Variants in DGKI observed in about 807,000 individuals in gnomAD.
DGKI encodes the protein DAG kinase iota.
A neutral mutation model predicts 147.5 loss-of-function variants in DGKI; 55 were observed. The observed-to-expected ratio is 0.37, with a 90% CI of 0.30 to 0.47. The LOEUF (loss-of-function observed/expected upper bound fraction) is 0.47, where lower values mean the gene tolerates loss of function less well. Ranked by LOEUF, DGKI falls within the 20% of genes least tolerant of loss-of-function variation. The probability of loss-of-function intolerance (pLI) is 1.00; values close to 1 mark genes in which losing one functional copy is unlikely to be tolerated. For missense variants in DGKI, 1,007 were observed against 1,323.8 expected (o/e 0.76, Z 3.71); for synonymous variants, 469 against 477.1 (o/e 0.98, Z 0.22).
intron 28 of DGKI, among the ~76,000 whole-genome samples, chr7:137,441,685 G>A (rs1211827080): frequency 7.9e-5 from 12 of 152,188 alleles, no homozygotes; most frequent in Admixed American, 7.2e-4. Context: ...TAGAGCCAAA[G>A]TGACTAGTTA....
intron 1 of DGKI, among the ~76,000 whole-genome samples, chr7:137,716,261 G>T (rs1379176243): frequency 1.3e-5 from 2 of 152,156 alleles, no homozygotes; most frequent in Non-Finnish European, 2.9e-5. Flanking sequence ...GACATCTTCA[G>T]ACAATCTGAA....
chr7:137,596,836 T>C (rs1415728387), intron 12 of DGKI, among the ~76,000 whole-genome samples: 1 of 152,218 alleles, frequency 6.6e-6, no homozygotes, highest in African/African-American at 2.4e-5. Context: ...AGAGAGATAG[T>C]ATTCGAAGAT....
At chr7:137,757,525 G>C (rs1795726675) in intron 1 of DGKI, among the ~76,000 whole-genome samples, 1 of 152,100 alleles carries the variant, frequency 6.6e-6, no homozygotes, top group African/African-American at 2.4e-5. Flanking sequence ...CATACGGTAA[G>C]GAGTCCCAAC....
intron 3 of DGKI, among the ~76,000 whole-genome samples, chr7:137,662,998 C>T (rs1160937701): frequency 6.6e-6 from 1 of 152,202 alleles, no homozygotes; most frequent in Non-Finnish European, 1.5e-5. Context: ...CTCAGATATA[C>T]ACCAATACTC....
intron 3 of DGKI, among the ~76,000 whole-genome samples, chr7:137,667,548 C>A (rs1297137418): frequency 6.6e-6 from 1 of 152,096 alleles, no homozygotes; most frequent in Non-Finnish European, 1.5e-5. Flanking sequence ...TGAATCCTGA[C>A]ATGTTTCCAT....
chr7:137,648,438 C>T (rs1231144697), intron 5 of DGKI, among the ~76,000 whole-genome samples: 1 of 152,236 alleles, frequency 6.6e-6, no homozygotes, highest in Non-Finnish European at 1.5e-5. Flanking sequence ...TGCACTGCAA[C>T]ACACAGTTAT....
At chr7:137,844,570 T>C (rs1798654659) in intron 1 of DGKI, among the ~76,000 whole-genome samples, 1 of 152,224 alleles carries the variant, frequency 6.6e-6, no homozygotes, top group South Asian at 2.1e-4. Context: ...GGAAATGATG[T>C]TCACGAAGTA....
chr7:137,836,927 T>G (rs1798400869), intron 1 of DGKI, among the ~76,000 whole-genome samples: 2 of 152,142 alleles, frequency 1.3e-5, no homozygotes, highest in African/African-American at 4.8e-5. Flanking sequence ...TGGGTCTCTC[T>G]CCTCAAGAGA....
chr7:137,670,105 T>C (rs566563396), intron 3 of DGKI, among the ~76,000 whole-genome samples: 2 of 152,330 alleles, frequency 1.3e-5, no homozygotes, highest in South Asian at 4.1e-4. Context: ...TTTCAAAATT[T>C]ATGGTCATGA....
intron 21 of DGKI, among the ~76,000 whole-genome samples, chr7:137,516,702 A>G (rs1816757181): frequency 6.6e-6 from 1 of 152,074 alleles, no homozygotes; most frequent in African/African-American, 2.4e-5. Context: ...TTCAATGACT[A>G]ACATCTAGTG....
rs114922497 is a variant in DGKI at position 137,807,591 on chromosome 7, C to A, written c.401+38871G>T. ...CACGTGCTCACAAATCATCTGGGGACCCTGTTAAAATGCAGATTATAGTCC... is the reference window on the plus strand; with the variant it reads ...CACGTGCTCACAAATCATCTGGGGAACCTGTTAAAATGCAGATTATAGTCC... On this transcript the variant is annotated intron_variant, in intron 1 of 32. Transcript: ENST00000614521. Among the ~76,000 whole-genome samples, 1,116 of 152,292 alleles carry A rather than the reference C, an allele frequency of 7.3e-3. 14 individuals carry two copies. Among genetic ancestry groups the A allele is most frequent in the African/African-American group, 0.025 (1,046 of 41,570 alleles).
At chr7:137,557,904 A>G (rs759831651) in intron 19 of DGKI, among the ~76,000 whole-genome samples, 2 of 152,160 alleles carry the variant, frequency 1.3e-5, no homozygotes, top group Non-Finnish European at 2.9e-5. Flanking sequence ...CTTGATGCTA[A>G]TAACACCATC....
rs371206975 is a variant in DGKI, at chr7:137,720,481, A to C, written c.402-30479T>G. Among the ~76,000 whole-genome samples the C allele has an allele frequency of 5.4e-4, 82 of 151,992 alleles. 1 individual carries two copies. In the East Asian group the frequency reaches 0.012, roughly 22 times the overall value. On this transcript the variant is annotated intron_variant, in intron 1 of 32. Transcript: ENST00000614521. Reference sequence around the variant, plus strand: ...CACCGTGTTAGCCAGGATGGTCTCGATCTCCTGACCTTGTGATCTGCCCGC... The same window carrying C: ...CACCGTGTTAGCCAGGATGGTCTCGCTCTCCTGACCTTGTGATCTGCCCGC...
intron 21 of DGKI, among the ~76,000 whole-genome samples, chr7:137,491,324 A>G (rs1815756155): frequency 6.6e-6 from 1 of 152,188 alleles, no homozygotes; most frequent in Non-Finnish European, 1.5e-5. Context: ...AGTGATCCCC[A>G]GTTTTCTTCC....
intron 30 of DGKI, among the ~76,000 whole-genome samples, chr7:137,407,348 A>G (rs534701870): frequency 6.6e-6 from 1 of 152,340 alleles, no homozygotes; most frequent in Non-Finnish European, 1.5e-5. Flanking sequence ...GGTTAGTATG[A>G]TCTGCCACAG....
chr7:137,461,753 G>GT (rs144997661), intron 27 of DGKI, among the ~76,000 whole-genome samples: 2,436 of 152,028 alleles, frequency 0.016, 68 homozygotes, highest in African/African-American at 0.055. Flanking sequence ...AATTTTTCAG[G>GT]TTTTTTTAAA....
intron 21 of DGKI, among the ~76,000 whole-genome samples, chr7:137,521,325 C>T (rs1167998185): frequency 5.3e-5 from 8 of 152,064 alleles, no homozygotes; most frequent in Non-Finnish European, 7.4e-5. Context: ...GTAATTCATA[C>T]GTCGACTCAA....
At chr7:137,734,772 A>G (rs975597974) in intron 1 of DGKI, among the ~76,000 whole-genome samples, 15 of 152,226 alleles carry the variant, frequency 9.9e-5, no homozygotes, top group African/African-American at 2.9e-4. Flanking sequence ...GCAATTTCCA[A>G]TGCAGCAACA....
At chr7:137,828,552 T>C (rs1798128756) in intron 1 of DGKI, among the ~76,000 whole-genome samples, 2 of 152,184 alleles carry the variant, frequency 1.3e-5, no homozygotes, top group Non-Finnish European at 2.9e-5. Flanking sequence ...CTAAAGCTTC[T>C]CTCCTTTTCC....
Sources: allele counts gnomAD v4.1 joint callset (sites outside exome capture counted in the v4.1 genomes callset), GRCh38; gene constraint gnomAD v4.1.1; transcripts MANE v1.5; gene names NCBI Gene and HGNC (gene_info 2026-07-23, HGNC 2026-07-21).